The following SYT1 variants were observed in gnomAD, a reference collection of about 807,000 sequenced individuals.
SYT1 encodes the protein synaptotagmin 1, also known as synaptotagmin-1.
Under a neutral mutation model 44.8 loss-of-function variants are expected in SYT1, and 8 were observed. The ratio of observed to expected loss-of-function variants is 0.18; its 90% CI spans 0.10 to 0.32. The LOEUF is 0.32. Ranked by LOEUF, SYT1 falls within the 10% of genes least tolerant of loss-of-function variation. The pLI, the probability that SYT1 is intolerant of heterozygous loss-of-function variation, is 1.00. For missense variants in SYT1, 286 were observed against 509.3 expected (o/e 0.56, Z 4.22); for synonymous variants, 154 against 188.8 (o/e 0.82, Z 1.51).
intron 4 of SYT1, among the ~76,000 whole-genome samples, chr12:79,246,330 C>G (rs1876848484): frequency 6.6e-6 from 1 of 152,222 alleles, no homozygotes; most frequent in African/African-American, 2.4e-5. Flanking sequence ...GAATTTTACA[C>G]ATTTTTCATG....
At chr12:79,298,711 C>T (rs1314252067) in intron 7 of SYT1, among the ~76,000 whole-genome samples, 1 of 152,142 alleles carries the variant, frequency 6.6e-6, no homozygotes, top group Non-Finnish European at 1.5e-5. Flanking sequence ...CAGTTCTTGG[C>T]CTTTTGCCAC....
At chr12:78,928,439 A>G (rs1429626719) in intron 1 of SYT1, among the ~76,000 whole-genome samples, 1 of 152,190 alleles carries the variant, frequency 6.6e-6, no homozygotes, top group African/African-American at 2.4e-5. Context: ...CATTCTTACC[A>G]TAGACATTAG....
chr12:79,137,044 A>G (rs557571090), intron 3 of SYT1, among the ~76,000 whole-genome samples: 1 of 152,166 alleles, frequency 6.6e-6, no homozygotes, highest in Admixed American at 6.5e-5. Flanking sequence ...GTTAGGTCTA[A>G]CATTTATTAT....
intron 8 of SYT1, among the ~76,000 whole-genome samples, chr12:79,347,204 T>C (rs1169963817): frequency 6.6e-6 from 1 of 152,114 alleles, no homozygotes; most frequent in Non-Finnish European, 1.5e-5. Context: ...TGTAGCAAAC[T>C]TCCCAATCTT....
At chr12:79,199,153 C>T (rs932466454) in intron 3 of SYT1, among the ~76,000 whole-genome samples, 16 of 152,048 alleles carry the variant, frequency 1.1e-4, no homozygotes, top group African/African-American at 3.6e-4. Context: ...AATGCCATAC[C>T]ATTCTTACCT....
Position 79,179,035 on chromosome 12 carries a change from G to GATATAGATATAGAT in SYT1, c.-17-38450_-17-38437dup, listed in dbSNP as rs1872137876. 1.2e-4 allele frequency among the ~76,000 whole-genome samples: 2 copies of GATATAGATATAGAT among 16,536 alleles called. 1 individual carries two copies. The highest frequency in any genetic ancestry group is 8.7e-4 in the African/African-American group (2 of 2,286). 10.8% of individuals were successfully genotyped at this position (16,536 alleles called of 152,430 possible). ...ATATAGATATAGATATAGATATATA[G>GATATAGATATAGAT]ATATAGATATAGATATATAGATATA... On this transcript the variant is annotated intron_variant, in intron 3 of 10. Transcript: ENST00000261205.
intron 3 of SYT1, among the ~76,000 whole-genome samples, chr12:79,193,668 C>A (rs901474566): frequency 7.2e-5 from 11 of 152,126 alleles, no homozygotes; most frequent in Admixed American, 5.2e-4. Context: ...TTCAAGGCTG[C>A]AGTGAGCTAT....
At chr12:78,986,768 G>GTC (rs1869669015) in intron 2 of SYT1, among the ~76,000 whole-genome samples, 1 of 151,860 alleles carries the variant, frequency 6.6e-6, no homozygotes, top group African/African-American at 2.4e-5. Context: ...CTATTTGTAT[G>GTC]TCTCTCTATA....
intron 1 of SYT1, among the ~76,000 whole-genome samples, chr12:78,926,897 C>T (rs985793331): frequency 6.6e-6 from 1 of 152,026 alleles, no homozygotes; most frequent in African/African-American, 2.4e-5. Flanking sequence ...CTTTGGTACA[C>T]TTTATATTTT....
At chr12:79,209,796 A>C (rs1383662922) in intron 3 of SYT1, among the ~76,000 whole-genome samples, 1 of 152,190 alleles carries the variant, frequency 6.6e-6, no homozygotes, top group Non-Finnish European at 1.5e-5. Flanking sequence ...GATCAAGGAA[A>C]ACTTGGATGG....
chr12:79,092,872 T>C (rs1877874077), intron 3 of SYT1, among the ~76,000 whole-genome samples: 1 of 151,768 alleles, frequency 6.6e-6, no homozygotes, highest in South Asian at 2.1e-4. Flanking sequence ...GTTAAAAACC[T>C]AATGAGAATT....
intron 3 of SYT1, among the ~76,000 whole-genome samples, chr12:79,194,147 A>G (rs957266169): frequency 7.9e-5 from 12 of 152,164 alleles, no homozygotes; most frequent in Non-Finnish European, 1.5e-5. Flanking sequence ...GCCTACTATA[A>G]AATTTGGTAG....
At chr12:79,205,551 C>T (rs778658214) in intron 3 of SYT1, among the ~76,000 whole-genome samples, 6 of 152,126 alleles carry the variant, frequency 3.9e-5, no homozygotes, top group Non-Finnish European at 5.9e-5. Flanking sequence ...TTTTTAGTTA[C>T]AATTCTGATG....
At chr12:78,944,095 A>G (rs930139588) in intron 1 of SYT1, among the ~76,000 whole-genome samples, 7 of 151,986 alleles carry the variant, frequency 4.6e-5, no homozygotes, top group African/African-American at 1.7e-4. Flanking sequence ...AAATTAGTTT[A>G]TTCTTATAAA....
At chr12:78,948,078 G>A (rs917197948) in intron 1 of SYT1, among the ~76,000 whole-genome samples, 6 of 151,552 alleles carry the variant, frequency 4.0e-5, no homozygotes, top group African/African-American at 1.2e-4. Flanking sequence ...ACAATGAAAG[G>A]TCCTGCAGAT....
chr12:78,886,767 G>C (rs1430976842), intron 1 of SYT1, among the ~76,000 whole-genome samples: 1 of 151,970 alleles, frequency 6.6e-6, no homozygotes, highest in Non-Finnish European at 1.5e-5. Flanking sequence ...TTGGAGAAAA[G>C]TGTATGATAG....
chr12:78,893,905 GTC>G (rs1355556524), intron 1 of SYT1, among the ~76,000 whole-genome samples: 1 of 151,556 alleles, frequency 6.6e-6, no homozygotes. Context: ...TCAACTTTCA[GTC>G]TCTCATGCGC....
chr12:79,396,762 G>T (rs1411115074), intron 9 of SYT1, among the ~76,000 whole-genome samples: 1 of 152,136 alleles, frequency 6.6e-6, no homozygotes, highest in African/African-American at 2.4e-5. Flanking sequence ...TTTATTTGGT[G>T]CCAGGCATTA....
At chr12:79,242,383 G>A (rs1367373377) in intron 4 of SYT1, among the ~76,000 whole-genome samples, 1 of 152,146 alleles carries the variant, frequency 6.6e-6, no homozygotes, top group Non-Finnish European at 1.5e-5. Context: ...ACTTTGGATT[G>A]TGTGAGGACA....
Sources: gnomAD v4.1 joint callset for allele counts (sites outside exome capture counted in the v4.1 genomes callset) on GRCh38, gnomAD v4.1.1 for gene constraint, MANE v1.5 for transcripts, NCBI Gene and HGNC (gene_info 2026-07-23, HGNC 2026-07-21) for gene names.